Variants in CLCN4 observed in about 807,000 individuals in gnomAD.
CLCN4 encodes the protein Cl-/H+ antiporter 4, also known as H(+)/Cl(-) exchange transporter 4.
A neutral mutation model predicts 41.7 loss-of-function variants in CLCN4; 1 was observed. The ratio of observed to expected loss-of-function variants is 0.02; its 90% CI spans 0.01 to 0.11. CLCN4 has a LOEUF of 0.11. Ranked by LOEUF, CLCN4 falls within the 10% of genes least tolerant of loss-of-function variation. The pLI, the probability that CLCN4 is intolerant of heterozygous loss-of-function variation, is 1.00. For synonymous variants in CLCN4, 277 were observed against 285.8 expected (o/e 0.97, Z 0.31); for missense variants, 287 against 661.0 (o/e 0.43, Z 6.20).
intron 2 of CLCN4, among the ~76,000 whole-genome samples, chrX:10,169,481 G>A (rs1181662277): frequency 9.0e-6 from 1 of 111,019 alleles, no homozygotes; most frequent in Non-Finnish European, 1.9e-5. Flanking sequence ...AGTAACAAGG[G>A]AAACAAGATG....
At chrX:10,176,840 G>C (rs1312862084) in intron 2 of CLCN4, among the ~76,000 whole-genome samples, 2 of 112,452 alleles carry the variant, frequency 1.8e-5, no homozygotes, top group African/African-American at 3.2e-5. Flanking sequence ...CCACTGCTGG[G>C]CAGAGGACAG....
chrX:10,230,689 T>C (rs1407775272), intron 12 of CLCN4, among the ~76,000 whole-genome samples: 1 of 111,917 alleles, frequency 8.9e-6, no homozygotes, highest in Non-Finnish European at 1.9e-5. Context: ...AGGTAGCTCT[T>C]GTTTCAGGAT....
intron 2 of CLCN4, among the ~76,000 whole-genome samples, chrX:10,183,052 C>T (rs906419705): frequency 2.7e-4 from 30 of 111,665 alleles, no homozygotes; most frequent in African/African-American, 7.2e-4. Flanking sequence ...AACAGCCTGT[C>T]GTCTTGTTTT....
At chrX:10,182,963 C>A (rs757273357) in intron 2 of CLCN4, among the ~76,000 whole-genome samples, 2 of 112,233 alleles carry the variant, frequency 1.8e-5, no homozygotes, top group South Asian at 7.3e-4. Context: ...GGTATCAACT[C>A]CTTTTGAATA....
Position 10,185,083 on chromosome X carries a change from C to T in CLCN4, c.51C>T (p.Leu17=), listed in dbSNP as rs139365114. Residue 17 remains leucine, a synonymous_variant, in exon 3 of 13, where the codon CTC becomes CTT. Transcript: ENST00000380833. The stretch of plus-strand genomic sequence containing the variant: ...GCTCTGGAAACCTGATGGATTTCCT[C>T]GATGAGCCGTTCCCTGATGTGGGGA... ...MSGSGNLMDF[L]DEPFPDVGTY... is the part of the protein sequence containing the mutation. The T allele has an allele frequency of 3.0e-5, 36 of 1,207,309 alleles. No individual in the cohort carries two copies. Among genetic ancestry groups the T allele is most frequent in the Admixed American group, 8.8e-5 (4 of 45,647 alleles).
chrX:10,198,116 TAGCACTGTCATGCCA>T, intron 6 of CLCN4, 55 bp downstream of exon 6: 1 of 1,131,855 alleles, frequency 8.8e-7, no homozygotes, highest in Non-Finnish European at 1.2e-6. Flanking sequence ...AATTCTTCTG[TAGCACTGTCATGCCA>T]AGCACAGTTC....
intron 12 of CLCN4, among the ~76,000 whole-genome samples, chrX:10,229,805 T>C (rs1239201805): frequency 8.9e-6 from 1 of 112,111 alleles, no homozygotes; most frequent in African/African-American, 3.2e-5. Context: ...TGTTGGACAT[T>C]TGGGTTGGTT....
rs771553168 is a variant in CLCN4, at chrX:10,194,845, G to A, written c.245-66G>A. ...GCTGATGTGCCCCTGTCTGGCCGCC[G>A]TGTTGGTCTCATTCTTGTCGCATCA... On this transcript the variant is annotated intron_variant, in intron 4 of 12. Coordinates refer to ENST00000380833, the MANE Select transcript of CLCN4 (RefSeq NM_001830.4). 1.7e-5 allele frequency: 19 copies of A among 1,105,669 alleles called. No homozygotes were observed. In the Admixed American group the frequency reaches 2.7e-4, roughly 15 times the overall value. The allele number at this position is 1,105,669 out of a possible 1,213,427, so 91.1% of individuals were successfully genotyped here.
At chrX:10,174,360 A>T (rs1923464490) in intron 2 of CLCN4, among the ~76,000 whole-genome samples, 1 of 112,020 alleles carries the variant, frequency 8.9e-6, no homozygotes, top group Admixed American at 9.3e-5. Flanking sequence ...ATTGAAGGAG[A>T]CTGGGAGAGT....
chrX:10,222,068 A>G (rs772829937), intron 12 of CLCN4, among the ~76,000 whole-genome samples: 5 of 113,200 alleles, frequency 4.4e-5, no homozygotes, highest in Non-Finnish European at 9.4e-5. Flanking sequence ...ATTTGTTTGA[A>G]ACAACTTTGT....
Position 10,186,526 on chromosome X carries a change from G to C in CLCN4, c.145-989G>C, listed in dbSNP as rs771266410. On this transcript the variant is annotated intron_variant, in intron 3 of 12. Coordinates refer to ENST00000380833, the MANE Select transcript of CLCN4 (RefSeq NM_001830.4). ...GGTAGGAGGCGAGCCAGCGGCATGG[G>C]GGCTGGCGGTGAGGGGAGAGCTGCT... 2.7e-5 allele frequency among the ~76,000 whole-genome samples: 3 copies of C among 111,584 alleles called. No homozygotes were observed. The East Asian group carries it at 8.5e-4, about 32-fold the overall frequency.
chrX:10,182,116 G>A (rs1240508685), intron 2 of CLCN4, among the ~76,000 whole-genome samples: 1 of 111,737 alleles, frequency 8.9e-6, no homozygotes, highest in Non-Finnish European at 1.9e-5. Flanking sequence ...CCTGAACTGA[G>A]GCAAATTCCA....
intron 12 of CLCN4, among the ~76,000 whole-genome samples, chrX:10,226,335 T>A (rs1218052200): frequency 8.9e-6 from 1 of 111,920 alleles, no homozygotes; most frequent in Non-Finnish European, 1.9e-5. Flanking sequence ...CAAGAAATTC[T>A]TTGAAACCAA....
rs376194407 is a variant in CLCN4, at chrX:10,213,934, G to A, written c.1830G>A (p.Ser610=). Residue 610 remains serine, a synonymous_variant, in exon 11 of 13, where the codon TCG becomes TCA. Coordinates refer to ENST00000380833, the MANE Select transcript of CLCN4 (RefSeq NM_001830.4). ...MRPRRGEPPL[S]VLTQDSMTVE... is the part of the protein sequence containing the mutation. ...CCCGGCGGGGAGAGCCGCCACTGTC[G>A]GTGCTCACCCAGGACAGCATGACTG... is the stretch of plus-strand genomic sequence containing the variant. 23 of 1,210,773 alleles carry A rather than the reference G, an allele frequency of 1.9e-5. No individual in the cohort carries two copies. In the African/African-American group the frequency reaches 3.3e-4, roughly 17 times the overall value.
chrX:10,172,319 C>T (rs1196062645), intron 2 of CLCN4, among the ~76,000 whole-genome samples: 2 of 111,930 alleles, frequency 1.8e-5, no homozygotes, highest in Non-Finnish European at 3.8e-5. Context: ...TCAGGCATGC[C>T]ATGTAAGCAG....
intron 6 of CLCN4, among the ~76,000 whole-genome samples, chrX:10,203,170 C>T (rs756179740): frequency 2.4e-4 from 27 of 112,133 alleles, no homozygotes; most frequent in Non-Finnish European, 4.7e-4. Context: ...AATGGTATTA[C>T]GCTTTTAAAC....
At chrX:10,206,895 G>GTTTTT in intron 8 of CLCN4, 119 bp downstream of exon 8, 3 of 416,372 alleles carry the variant, frequency 7.2e-6, no homozygotes, top group South Asian at 5.4e-5. Flanking sequence ...AATTTCCACT[G>GTTTTT]TTTTTTTTTT....
At chrX:10,191,340 TG>T (rs1266508907) in intron 4 of CLCN4, among the ~76,000 whole-genome samples, 6 of 112,563 alleles carry the variant, frequency 5.3e-5, no homozygotes, top group African/African-American at 1.3e-4. Flanking sequence ...GTTCAAAGTT[TG>T]TCCATGTTGT....
chrX:10,179,972 T>G (rs1923631574), intron 2 of CLCN4, among the ~76,000 whole-genome samples: 1 of 112,003 alleles, frequency 8.9e-6, no homozygotes, highest in Admixed American at 9.5e-5. Flanking sequence ...GTCTGTGTTT[T>G]AACCAGTATG....
Sources: allele counts gnomAD v4.1 joint callset (sites outside exome capture counted in the v4.1 genomes callset), GRCh38; gene constraint gnomAD v4.1.1; transcripts MANE v1.5; gene names NCBI Gene and HGNC (gene_info 2026-07-23, HGNC 2026-07-21).